ST3GAL5: variants seen among roughly 807,000 people sequenced by gnomAD.
ST3GAL5 encodes lactosylceramide alpha-2,3-sialyltransferase.
ST3GAL5 carries 25 observed loss-of-function variants against 46.1 expected under a neutral mutation model. That is an observed-to-expected ratio of 0.54 (90% CI 0.40 to 0.76). The LOEUF is 0.76. ST3GAL5 is among the 30% of genes least tolerant of loss of function. The pLI, the probability that ST3GAL5 is intolerant of heterozygous loss-of-function variation, is 0.00. For synonymous variants in ST3GAL5, 182 were observed against 192.7 expected, an observed-to-expected ratio of 0.94 and a Z score of 0.46; for missense variants, 431 against 521.2, an observed-to-expected ratio of 0.83 and a Z score of 1.69.
In ST3GAL5 at chr2:85,844,414, C is replaced by A. The variant is rs779019760; in HGVS notation, c.990G>T (p.Arg330Ser). The change falls in exon 6 of 7, where the codon AGG (arginine) becomes AGT (serine). Residue 330 changes from arginine to serine, a missense_variant. Arg to Ser is a moderately radical substitution (Grantham distance 110). Transcript: ENST00000638572. Reference protein sequence around the residue: ...DILQYSEPQSRFWGRDKNVPT... With the variant: ...DILQYSEPQSSFWGRDKNVPT... ...AAAATACCTTATCTCGGCCCCAGAA[C>A]CTTGACTGAGGCTCTGAGTACTGAA... 7 of 1,614,196 alleles carry A rather than the reference C, an allele frequency of 4.3e-6. No homozygotes were observed. Among genetic ancestry groups the A allele is most frequent in the Non-Finnish European group, 5.1e-6 (6 of 1,180,012 alleles).
chr2:85,842,426 T>C (rs149885777), intron 6 of ST3GAL5, among the ~76,000 whole-genome samples: 1 of 152,288 alleles, frequency 6.6e-6, no homozygotes, highest in African/African-American at 2.4e-5. Context: ...CCCCAAAGCA[T>C]GTCATCTCTA....
rs138716071 is a variant in ST3GAL5 at position 85,839,210 on chromosome 2, G to T, written c.*934C>A. 1 of 152,164 alleles carries T rather than the reference G, an allele frequency of 6.6e-6. No homozygotes were observed. The highest frequency in any genetic ancestry group is 1.5e-5 in the Non-Finnish European group (1 of 68,030). The allele number at this position is 152,164 out of a possible 1,614,324, so 9.4% of individuals were successfully genotyped here. The stretch of plus-strand genomic sequence containing the variant: ...ACTGGCACACTGCCTGGTATACACC[G>T]CCAGGTAGGCATTCAGAAAAGTTTC... On this transcript the variant is annotated 3_prime_UTR_variant, in exon 7 of 7. Coordinates refer to ENST00000638572, the MANE Select transcript of ST3GAL5 (RefSeq NM_003896.4).
chr2:85,843,261 T>C (rs1237387003), intron 6 of ST3GAL5, among the ~76,000 whole-genome samples: 3 of 152,236 alleles, frequency 2.0e-5, no homozygotes, highest in Admixed American at 1.3e-4. Flanking sequence ...TAAATTTCTC[T>C]AATTTCCTTG....
chr2:85,848,527 G>C, intron 3 of ST3GAL5: 2 of 678,130 alleles, frequency 2.9e-6, no homozygotes, highest in South Asian at 3.5e-5. Flanking sequence ...GGGTGTCTAA[G>C]ACTTCATGTT....
chr2:85,842,723 A>G (rs1288728730), intron 6 of ST3GAL5, among the ~76,000 whole-genome samples: 1 of 151,546 alleles, frequency 6.6e-6, no homozygotes, highest in Non-Finnish European at 1.5e-5. Flanking sequence ...CCAAGCTTTT[A>G]TACTAAACAC....
intron 1 of ST3GAL5, among the ~76,000 whole-genome samples, chr2:85,872,344 G>C (rs1375798243): frequency 6.6e-6 from 1 of 152,046 alleles, no homozygotes; most frequent in African/African-American, 2.4e-5. Context: ...AACTGTCCAC[G>C]AGGCGAGGCA....
chr2:85,866,998 T>C (rs978584508), intron 1 of ST3GAL5, among the ~76,000 whole-genome samples: 1 of 152,152 alleles, frequency 6.6e-6, no homozygotes, highest in African/African-American at 2.4e-5. Context: ...GAATAAAGCA[T>C]AAACTCTATT....
At chr2:85,867,377 G>A (rs903206558) in intron 1 of ST3GAL5, among the ~76,000 whole-genome samples, 12 of 152,166 alleles carry the variant, frequency 7.9e-5, no homozygotes, top group Admixed American at 5.9e-4. Context: ...AGTTTGAGAA[G>A]CACTAGCTTA....
At chr2:85,866,400 G>A (rs1685296545) in intron 1 of ST3GAL5, among the ~76,000 whole-genome samples, 1 of 152,132 alleles carries the variant, frequency 6.6e-6, no homozygotes, top group Admixed American at 6.5e-5. Flanking sequence ...TACCTCGAAT[G>A]CCCTGATCTC....
In ST3GAL5 at chr2:85,851,565, G is replaced by T. The variant is rs748084241; in HGVS notation, c.319-3361C>A. On this transcript the variant is annotated intron_variant, in intron 3 of 6. Transcript: ENST00000638572. ...ACAACCAGACATCATTGTCTTGGGG[G>T]CTTCCTCAGAGCTTGTCCCACATCT... The T allele has an allele frequency of 6.2e-6, 8 of 1,289,394 alleles. No homozygotes were observed. The South Asian group carries it at 9.9e-5, about 16-fold the overall frequency. 79.9% of individuals were successfully genotyped at this position (1,289,394 alleles called of 1,614,324 possible). A position where few individuals can be genotyped will look rare whatever the true frequency, so the allele number is the denominator to read the frequency against.
intron 1 of ST3GAL5, among the ~76,000 whole-genome samples, chr2:85,882,734 G>A (rs1282578274): frequency 4.6e-5 from 7 of 151,416 alleles, no homozygotes; most frequent in African/African-American, 1.7e-4. Context: ...TTGGGAGACT[G>A]AGGCAGGAGA....
At chr2:85,883,469 T>C (rs541104725) in intron 1 of ST3GAL5, among the ~76,000 whole-genome samples, 1 of 152,336 alleles carries the variant, frequency 6.6e-6, no homozygotes, top group South Asian at 2.1e-4. Flanking sequence ...CTGGGGTATC[T>C]CTTTATCAGC....
chr2:85,854,502 A>T (rs1259030222), intron 3 of ST3GAL5: 3 of 152,352 alleles, frequency 2.0e-5, no homozygotes, highest in African/African-American at 7.2e-5. Context: ...AGGGGCAGGG[A>T]GCGGGTGCTG....
At chr2:85,859,005 G>A (rs1370713979) in intron 3 of ST3GAL5, among the ~76,000 whole-genome samples, 2 of 152,170 alleles carry the variant, frequency 1.3e-5, no homozygotes, top group Admixed American at 6.5e-5. Flanking sequence ...AGCAGACCAC[G>A]TGGCTTAAGT....
At chr2:85,874,858 T>C (rs1416854699) in intron 1 of ST3GAL5, among the ~76,000 whole-genome samples, 1 of 151,556 alleles carries the variant, frequency 6.6e-6, no homozygotes, top group Admixed American at 6.6e-5. Flanking sequence ...GAGACCACTG[T>C]GAAGACCAGA....
intron 3 of ST3GAL5, among the ~76,000 whole-genome samples, chr2:85,859,610 G>C (rs1047170499): frequency 6.6e-6 from 1 of 152,184 alleles, no homozygotes; most frequent in Non-Finnish European, 1.5e-5. Flanking sequence ...AAGACCCTGA[G>C]ACTCAATAGT....
At chr2:85,844,998 T>C (rs541503736) in intron 5 of ST3GAL5, 9 of 236,948 alleles carry the variant, frequency 3.8e-5, no homozygotes, top group Non-Finnish European at 6.8e-5. Context: ...TTCTGCCCAA[T>C]AGAAAATCCA....
At chr2:85,867,664 T>C (rs1054505803) in intron 1 of ST3GAL5, 14 of 780,646 alleles carry the variant, frequency 1.8e-5, no homozygotes, top group Admixed American at 3.4e-5. Context: ...ATGCTATTAC[T>C]CCCCAGACTG....
At chr2:85,864,843 T>C (rs2104093758) in intron 1 of ST3GAL5, among the ~76,000 whole-genome samples, 2 of 152,326 alleles carry the variant, frequency 1.3e-5, no homozygotes, top group South Asian at 4.1e-4. Flanking sequence ...CCAGTCTCCC[T>C]TGGAGCTAGG....
Sources: gnomAD v4.1 joint callset for allele counts (sites outside exome capture counted in the v4.1 genomes callset) on GRCh38, gnomAD v4.1.1 for gene constraint, MANE v1.5 for transcripts, NCBI Gene and HGNC (gene_info 2026-07-23, HGNC 2026-07-21) for gene names.